Variants in SIRT3 observed in about 807,000 individuals in gnomAD.
The protein encoded by SIRT3 is NAD-dependent protein deacetylase sirtuin-3, mitochondrial.
SIRT3 carries 26 observed loss-of-function variants against 33.5 expected under a neutral mutation model. The ratio of observed to expected loss-of-function variants is 0.78; its 90% CI spans 0.57 to 1.08. The LOEUF (loss-of-function observed/expected upper bound fraction) is 1.08. Among genes scored for constraint, SIRT3 ranks in the 50% least tolerant of loss-of-function variants. The pLI is 0.00. For missense variants in SIRT3, 585 were observed against 530.1 expected, an observed-to-expected ratio of 1.10 and a Z score of -1.02; for synonymous variants, 237 against 222.1, an observed-to-expected ratio of 1.07 and a Z score of -0.60.
intron 1 of SIRT3, chr11:233,832 C>T (rs982815753): frequency 6.9e-5 from 19 of 273,456 alleles, no homozygotes; most frequent in Non-Finnish European, 9.0e-5. Context: ...CTGCAAACCT[C>T]CAAAGGGGTC....
intron 3 of SIRT3, among the ~76,000 whole-genome samples, chr11:231,069 G>A (rs572821240): frequency 6.6e-6 from 1 of 151,166 alleles, no homozygotes; most frequent in South Asian, 2.1e-4. Flanking sequence ...AAGTTGCAGT[G>A]AGCTGAGGTC....
chr11:225,797 G>A (rs1451581181), intron 4 of SIRT3: 2 of 152,190 alleles, frequency 1.3e-5, no homozygotes, highest in Non-Finnish European at 2.9e-5. Flanking sequence ...AGTGGGCTAG[G>A]GGCAACTCAT....
In SIRT3 at chr11:223,788, C is replaced by T. The variant is rs766201880; in HGVS notation, c.969+290G>A. On this transcript the variant is annotated intron_variant, in intron 5 of 6. Transcript: ENST00000382743. The surrounding 1 kb of genome is among the most constrained non-coding windows in gnomAD (Gnocchi z 4.8). ...CAAAGTGGCACCAGCCCTGGAAGGG[C>T]CCATGAGATGACTCCTGTACCCCTC... 150 of 1,090,806 alleles carry T rather than the reference C, an allele frequency of 1.4e-4. 2 individuals carry two copies. The highest frequency in any genetic ancestry group is 3.4e-5 in the Non-Finnish European group (25 of 726,484). The allele number at this position is 1,090,806 out of a possible 1,614,324, so 67.6% of individuals were successfully genotyped here.
chr11:227,216 G>C (rs1857301000), intron 4 of SIRT3, among the ~76,000 whole-genome samples: 1 of 151,584 alleles, frequency 6.6e-6, no homozygotes, highest in African/African-American at 2.4e-5. Flanking sequence ...GAGGCGGGTG[G>C]ATCATGAGGT....
chr11:224,089 T>C lies in SIRT3; in HGVS notation c.958A>G (p.Thr320Ala). Reference protein sequence around the residue: ...PMADLLLILGTSLEVEPFASL... With the variant: ...PMADLLLILGASLEVEPFASL... ...GCCTGCTGACAAACCTCCAGGGAGG[T>C]CCCAAGGATGAGCAGCAGATCTGCC... Residue 320 changes from threonine to alanine, a missense_variant, in exon 5 of 7, where the codon ACC becomes GCC. Coordinates refer to ENST00000382743, the MANE Select transcript of SIRT3 (RefSeq NM_012239.6). 1 of 1,613,638 alleles carries C rather than the reference T, an allele frequency of 6.2e-7. No homozygotes were observed. Among genetic ancestry groups the C allele is most frequent in the Non-Finnish European group, 8.5e-7 (1 of 1,179,938 alleles).
intron 6 of SIRT3, among the ~76,000 whole-genome samples, chr11:217,392 T>C (rs540489346): frequency 5.3e-5 from 8 of 152,316 alleles, no homozygotes; most frequent in South Asian, 2.1e-4. Context: ...AGGGCTGCAG[T>C]GAGCCAAAAT....
At chr11:221,767 T>C (rs553585242) in intron 5 of SIRT3, among the ~76,000 whole-genome samples, 25 of 152,340 alleles carry the variant, frequency 1.6e-4, no homozygotes, top group Non-Finnish European at 2.6e-4. Flanking sequence ...GGGAAACTGT[T>C]GGCATTAACA....
intron 3 of SIRT3, among the ~76,000 whole-genome samples, chr11:231,284 T>A (rs12364172): frequency 0.16 from 23,737 of 151,990 alleles, 2,346 homozygotes; most frequent in Middle Eastern, 0.22. Flanking sequence ...AAAATTTTTT[T>A]AATTAGCCAG....
intron 4 of SIRT3, 130 bp from the exon 5 acceptor site, chr11:224,369 A>G (rs772132154): frequency 6.9e-5 from 65 of 936,508 alleles, no homozygotes; most frequent in Non-Finnish European, 9.8e-5. Flanking sequence ...ATGAACCCCC[A>G]TGTACCCAGC....
chr11:234,772 G>A (rs1794101), intron 1 of SIRT3, among the ~76,000 whole-genome samples: 1 of 151,832 alleles, frequency 6.6e-6, no homozygotes, highest in Non-Finnish European at 1.5e-5. Flanking sequence ...TGCGCTCCAC[G>A]TGTTTGTAGG....
chr11:233,428 C>T lies in SIRT3; in HGVS notation c.388G>A (p.Glu130Lys). The T allele has an allele frequency of 1.2e-6, 2 of 1,614,110 alleles. No individual in the cohort carries two copies. Among genetic ancestry groups the T allele is most frequent in the East Asian group, 2.2e-5 (1 of 44,874 alleles). ...KGKLSLQDVA[E>K]LIRARACQRV... is the part of the protein sequence containing the mutation. Reference sequence around the variant, plus strand: ...TGGCAGGCTCTGGCCCGAATCAGCTCAGCTACATCCTGCAGGGAAAGCTTC... The same window carrying T: ...TGGCAGGCTCTGGCCCGAATCAGCTTAGCTACATCCTGCAGGGAAAGCTTC... The change falls in exon 2 of 7, where the codon GAG becomes AAG. Residue 130 changes from glutamate to lysine, a missense_variant. By Grantham distance (56) the Glu-to-Lys change is moderately conservative. Transcript: ENST00000382743.
intron 1 of SIRT3, 39 bp from the exon 2 acceptor site, chr11:233,573 C>A: frequency 6.2e-7 from 1 of 1,601,666 alleles, no homozygotes; most frequent in South Asian, 1.1e-5. Flanking sequence ...AAACAGATAG[C>A]AACCAATCTC....
At chr11:221,944 G>A (rs1008816444) in intron 5 of SIRT3, among the ~76,000 whole-genome samples, 8 of 151,842 alleles carry the variant, frequency 5.3e-5, no homozygotes, top group African/African-American at 1.7e-4. Flanking sequence ...AACAGTTGGT[G>A]GGATTAAAAA....
At chr11:220,551 C>T (rs564544) in intron 5 of SIRT3, among the ~76,000 whole-genome samples, 2,478 of 152,114 alleles carry the variant, frequency 0.016, 69 homozygotes, top group African/African-American at 0.056. Flanking sequence ...AGGCAAAATC[C>T]GCACCCCCCT....
chr11:234,236 T>A (rs1858550146), intron 1 of SIRT3, among the ~76,000 whole-genome samples: 1 of 152,188 alleles, frequency 6.6e-6, no homozygotes, highest in African/African-American at 2.4e-5. Context: ...TGGGGGACCC[T>A]GAGGGGCAGG....
At chr11:224,758 T>C (rs1477492091) in intron 4 of SIRT3, among the ~76,000 whole-genome samples, 1 of 152,124 alleles carries the variant, frequency 6.6e-6, no homozygotes, top group Admixed American at 6.5e-5. Flanking sequence ...AGTAACAACA[T>C]CTGCCAAACA....
intron 5 of SIRT3, among the ~76,000 whole-genome samples, chr11:219,823 A>G (rs1048711620): frequency 2.0e-5 from 3 of 152,214 alleles, no homozygotes; most frequent in African/African-American, 7.2e-5. Flanking sequence ...CAGATAAGGC[A>G]AAGGAAAATG....
In SIRT3 at chr11:233,450, C is replaced by G; in HGVS notation, c.366G>C (p.Lys122Asn). The G allele has an allele frequency of 6.2e-7, 1 of 1,614,132 alleles. No individual in the cohort carries two copies. Among genetic ancestry groups the G allele is most frequent in the Non-Finnish European group, 8.5e-7 (1 of 1,180,028 alleles). The change falls in exon 2 of 7, where the codon AAG becomes AAC. Residue 122 changes from lysine (K) to asparagine (N), a missense_variant. Lys to Asn is a moderately conservative substitution (Grantham distance 94). Coordinates refer to ENST00000382743, the MANE Select transcript of SIRT3 (RefSeq NM_012239.6). The part of the protein sequence containing the change: ...VGSGGSSDKG[K>N]LSLQDVAELI... The stretch of plus-strand genomic sequence containing the variant: ...GCTCAGCTACATCCTGCAGGGAAAG[C>G]TTCCCCTTGTCACTGCTGCCTCCAC...
In SIRT3 at chr11:236,230, G is replaced by C. The variant is rs770226716; in HGVS notation, c.99C>G (p.Ala33=). The C allele has an allele frequency of 5.1e-6, 8 of 1,555,702 alleles. No homozygotes were observed. The highest frequency in any genetic ancestry group is 5.2e-6 in the Non-Finnish European group (6 of 1,154,248). ...CGCCAAGCACCAGCCGACAGCCGCA[G>C]GCCTGAAACGGCCCCACGCCTCCCC... ...EAGGGVGPFQ[A]CGCRLVLGGR... The change falls in exon 1 of 7, where the codon GCC becomes GCG. Residue 33 remains alanine (A), a synonymous_variant. Transcript: ENST00000382743.
Sources: gnomAD v4.1 joint callset for allele counts (sites outside exome capture counted in the v4.1 genomes callset) on GRCh38, gnomAD v4.1.1 for gene constraint, Gnocchi (gnomAD v3.1) non-coding constraint, MANE v1.5 for transcripts, NCBI Gene and HGNC (gene_info 2026-07-23, HGNC 2026-07-21) for gene names.